Variants in ARHGEF4 observed in about 807,000 individuals in gnomAD.
ARHGEF4 encodes the protein APC-stimulated guanine nucleotide exchange factor 1.
A neutral mutation model predicts 162.0 loss-of-function variants in ARHGEF4; 119 were observed. That is an observed-to-expected ratio of 0.73 (90% CI 0.63 to 0.86). ARHGEF4 has a LOEUF of 0.86. ARHGEF4 is among the 40% of genes least tolerant of loss of function. The pLI is 0.00. For synonymous variants in ARHGEF4, 1,014 were observed against 979.9 expected (o/e 1.03, Z -0.65); for missense variants, 2,488 against 2,456.0 (o/e 1.01, Z -0.28).
chr2:130,916,454 T>C lies in ARHGEF4; in HGVS notation c.2508T>C (p.Asn836=). ...SSGPEGLPRE[N]PPAAAGRDAP... ...GCCCCGAGGGGCTCCCCAGGGAGAA[T>C]CCGCCCGCTGCGGCCGGTCGGGACG... is the stretch of plus-strand genomic sequence containing the variant. Residue 836 remains asparagine (N), a synonymous_variant, in exon 2 of 14, where the codon AAT becomes AAC. Transcript: ENST00000409359. 1.9e-6 allele frequency: 3 copies of C among 1,541,594 alleles called. No individual in the cohort carries two copies. The highest frequency in any genetic ancestry group is 2.6e-6 in the Non-Finnish European group (3 of 1,145,652).
chr2:130,854,452 C>T (rs568621843), intron 1 of ARHGEF4, among the ~76,000 whole-genome samples: 7 of 152,338 alleles, frequency 4.6e-5, no homozygotes, highest in African/African-American at 1.4e-4. Flanking sequence ...CACTCCTGTC[C>T]TCTGATAGGC....
chr2:131,046,169 C>T lies in ARHGEF4; in HGVS notation c.5611C>T (p.Leu1871=), dbSNP rs549300135. Residue 1871 remains leucine, a synonymous_variant, in exon 14 of 14, where the codon CTG becomes TTG. Coordinates refer to ENST00000409359, the MANE Select transcript of ARHGEF4 (RefSeq NM_001367493.1). ...TACCTTCTGGCACAGCATCAGCCGG[C>T]TGGCACCCTTCCGCAAGTGAACTGG... The part of the protein sequence containing the change: ...PSTFWHSISR[L]APFRK The T allele has an allele frequency of 3.1e-6, 5 of 1,612,478 alleles. No homozygotes were observed. In the East Asian group the frequency reaches 1.1e-4, roughly 36 times the overall value.
intron 3 of ARHGEF4, among the ~76,000 whole-genome samples, chr2:130,943,636 T>C (rs1165278007): frequency 6.6e-6 from 1 of 152,180 alleles, no homozygotes; most frequent in Admixed American, 6.5e-5. Context: ...TAACATACAT[T>C]CTTAACATTT....
At position 130,915,695 on chromosome 2, in the gene ARHGEF4, G is replaced by T. The variant is rs774201912; in HGVS notation, c.1749G>T (p.Leu583Phe). 2 of 1,550,436 alleles carry T rather than the reference G, an allele frequency of 1.3e-6. No homozygotes were observed. Among genetic ancestry groups the T allele is most frequent in the South Asian group, 2.4e-5 (2 of 84,044 alleles). Residue 583 changes from leucine to phenylalanine, a missense_variant, in exon 2 of 14, where the codon TTG becomes TTT. Transcript: ENST00000409359. ...ACCCCAACTACAGGGAACAGGCTTT[G>T]CAAGGTCTTTCAGAATTCAAGGCAG... ...VLDPNYREQA[L>F]QGLSEFKAAT...
At chr2:130,925,085 T>TGTGTGTGTGTGA (rs1553514486) in intron 2 of ARHGEF4, among the ~76,000 whole-genome samples, 1 of 136,218 alleles carries the variant, frequency 7.3e-6, no homozygotes, top group Non-Finnish European at 1.6e-5. Flanking sequence ...TGTGTGCGTC[T>TGTGTGTGTGTGA]GAGAGAGAGA....
chr2:130,958,498 C>A (rs1208009008), intron 4 of ARHGEF4, among the ~76,000 whole-genome samples: 1 of 151,814 alleles, frequency 6.6e-6, no homozygotes, highest in Non-Finnish European at 1.5e-5. Context: ...CAACCTCCGC[C>A]CCCCCGATCC....
chr2:131,015,437 GTGTTAC>G (rs1416844158), intron 4 of ARHGEF4, among the ~76,000 whole-genome samples: 1 of 152,236 alleles, frequency 6.6e-6, no homozygotes, highest in Non-Finnish European at 1.5e-5. Flanking sequence ...ATCAGAGTCA[GTGTTAC>G]TCCGTTCGCA....
intron 4 of ARHGEF4, among the ~76,000 whole-genome samples, chr2:130,971,953 G>A (rs565340097): frequency 6.6e-6 from 1 of 152,278 alleles, no homozygotes; most frequent in South Asian, 2.1e-4. Flanking sequence ...AAAATCTATA[G>A]TGCTGGGGGC....
chr2:131,034,930 G>C, intron 5 of ARHGEF4: 2 of 969,270 alleles, frequency 2.1e-6, no homozygotes, highest in African/African-American at 3.5e-5. Context: ...GGGTTGCCAG[G>C]GCTTGGGGCC....
intron 4 of ARHGEF4, among the ~76,000 whole-genome samples, chr2:130,991,951 G>T (rs541984933): frequency 1.4e-4 from 22 of 152,208 alleles, no homozygotes; most frequent in Non-Finnish European, 3.2e-4. Context: ...CTAGCTCAGG[G>T]ATTGTAAATA....
chr2:130,852,138 C>T (rs911623862), intron 1 of ARHGEF4, among the ~76,000 whole-genome samples: 2 of 152,234 alleles, frequency 1.3e-5, no homozygotes, highest in African/African-American at 4.8e-5. Context: ...CTCCACGGCA[C>T]ACCCTGCGCT....
chr2:131,046,129 C>T lies in ARHGEF4; in HGVS notation c.5571C>T (p.Pro1857=). The change falls in exon 14 of 14, where the codon CCC becomes CCT. Residue 1857 remains proline, a synonymous_variant. Transcript: ENST00000409359. ...AGCAGGTCCTGGTGCTGGCGGAGCC[C>T]AGGCGCAAGCCATCTACCTTCTGGC... ...PQQQVLVLAE[P]RRKPSTFWHS... The T allele has an allele frequency of 6.2e-7, 1 of 1,613,048 alleles. No individual in the cohort carries two copies. The highest frequency in any genetic ancestry group is 8.5e-7 in the Non-Finnish European group (1 of 1,179,902).
chr2:130,925,146 T>G (rs972363207), intron 2 of ARHGEF4, among the ~76,000 whole-genome samples: 3 of 151,794 alleles, frequency 2.0e-5, no homozygotes, highest in Non-Finnish European at 2.9e-5. Context: ...TAATCTAAAA[T>G]TTGTATGGAG....
At chr2:131,041,645 T>G (rs1412821143) in intron 9 of ARHGEF4, 170 bp from the exon 10 acceptor site, 1 of 1,155,066 alleles carries the variant, frequency 8.7e-7, no homozygotes, top group Non-Finnish European at 1.2e-6. Flanking sequence ...TAAGCTCTGC[T>G]CTGTGCTTGC....
chr2:130,963,388 G>A (rs1343237030), intron 4 of ARHGEF4, among the ~76,000 whole-genome samples: 3 of 151,896 alleles, frequency 2.0e-5, no homozygotes, highest in African/African-American at 7.2e-5. Context: ...GCCCTGGGCC[G>A]AGCGGGGCCA....
At chr2:130,876,185 G>A (rs967187841) in intron 1 of ARHGEF4, among the ~76,000 whole-genome samples, 3 of 152,146 alleles carry the variant, frequency 2.0e-5, no homozygotes, top group African/African-American at 4.8e-5. Flanking sequence ...CTTGTTTGCT[G>A]TCTGTCTTGC....
In ARHGEF4 at chr2:130,854,004, A is replaced by G. The variant is rs1368543949; in HGVS notation, c.39+17012A>G. On this transcript the variant is annotated intron_variant, in intron 1 of 13. Transcript: ENST00000409359. Reference sequence around the variant, plus strand: ...GAGGTCTTAGTCCTCTTGTCTGTCAAATGGGAATGTCCTGCCCTGCTCACC... The same window carrying G: ...GAGGTCTTAGTCCTCTTGTCTGTCAGATGGGAATGTCCTGCCCTGCTCACC... Among the ~76,000 whole-genome samples the G allele has an allele frequency of 2.6e-5, 4 of 152,308 alleles. No individual in the cohort carries two copies. In the South Asian group the frequency reaches 8.3e-4, roughly 32 times the overall value.
chr2:131,038,595 G>A (rs1307002497), intron 5 of ARHGEF4, among the ~76,000 whole-genome samples: 3 of 152,214 alleles, frequency 2.0e-5, no homozygotes, highest in Non-Finnish European at 4.4e-5. Flanking sequence ...GGGAGCAGTT[G>A]GCAGTCCCAG....
intron 4 of ARHGEF4, among the ~76,000 whole-genome samples, chr2:130,977,012 T>G (rs1475207403): frequency 6.6e-6 from 1 of 151,624 alleles, no homozygotes; most frequent in Non-Finnish European, 1.5e-5. Context: ...GGCATGTGTT[T>G]GCAGTGTGTG....
Sources: allele counts gnomAD v4.1 joint callset (sites outside exome capture counted in the v4.1 genomes callset), GRCh38; gene constraint gnomAD v4.1.1; transcripts MANE v1.5; gene names NCBI Gene and HGNC (gene_info 2026-07-23, HGNC 2026-07-21).